The following FGGY variants were observed in gnomAD, a reference collection of about 807,000 sequenced individuals.
FGGY encodes FGGY carbohydrate kinase domain-containing protein.
In FGGY, 72 loss-of-function variants were observed where a neutral mutation model predicts 71.3. The observed-to-expected ratio is 1.01, with a 90% CI of 0.84 to 1.23. The LOEUF (loss-of-function observed/expected upper bound fraction) is 1.23. Ranked by LOEUF, FGGY falls within the 50% of genes most tolerant of loss-of-function variation. The pLI, the probability that FGGY is intolerant of heterozygous loss-of-function variation, is 0.00. For missense variants in FGGY, 668 were observed against 682.3 expected, an observed-to-expected ratio of 0.98 and a Z score of 0.23; for synonymous variants, 251 against 250.3, an observed-to-expected ratio of 1.00 and a Z score of -0.02.
chr1:59,362,785 C>T (rs2055828800), intron 4 of FGGY, among the ~76,000 whole-genome samples: 1 of 152,174 alleles, frequency 6.6e-6, no homozygotes, highest in African/African-American at 2.4e-5. Context: ...ACTATTTATA[C>T]ATTCTTCCTG....
intron 7 of FGGY, among the ~76,000 whole-genome samples, chr1:59,530,649 G>A (rs1210500181): frequency 6.6e-6 from 1 of 152,190 alleles, no homozygotes; most frequent in Non-Finnish European, 1.5e-5. Context: ...TTTATCAGAT[G>A]GACAAGACGG....
chr1:59,585,297 G>A (rs2096265840), intron 8 of FGGY, among the ~76,000 whole-genome samples: 1 of 152,178 alleles, frequency 6.6e-6, no homozygotes, highest in South Asian at 2.1e-4. Flanking sequence ...AACCAAAATA[G>A]CATGGTACTG....
chr1:59,663,144 T>A (rs1382623952), intron 12 of FGGY, among the ~76,000 whole-genome samples: 1 of 152,196 alleles, frequency 6.6e-6, no homozygotes, highest in East Asian at 1.9e-4. Flanking sequence ...GTGCCTTGCC[T>A]ACTGGTAGCT....
chr1:59,553,894 T>G, intron 7 of FGGY: 1 of 391,282 alleles, frequency 2.6e-6, no homozygotes, highest in East Asian at 3.7e-5. Flanking sequence ...ATTATAACGT[T>G]GGGTGCCATA....
At position 59,588,969 on chromosome 1, in the gene FGGY, G is replaced by T. The variant is rs181294623; in HGVS notation, c.904-18834G>T. Among the ~76,000 whole-genome samples, 1,465 of 152,278 alleles carry T rather than the reference G, an allele frequency of 9.6e-3. 25 individuals are homozygous for T. The highest frequency in any genetic ancestry group is 0.034 in the African/African-American group (1,411 of 41,542). The stretch of plus-strand genomic sequence containing the variant: ...AACTTTAAATGTAAATGGACTAAAT[G>T]CTCCAATTAAAAGACACAGTCTGGT... On this transcript the variant is annotated intron_variant, in intron 8 of 15. Transcript: ENST00000303721.
intron 5 of FGGY, among the ~76,000 whole-genome samples, chr1:59,441,398 G>T (rs1261547674): frequency 6.6e-6 from 1 of 152,180 alleles, no homozygotes; most frequent in Non-Finnish European, 1.5e-5. Context: ...ACTTGAGCAG[G>T]CTGAACTGGG....
At chr1:59,384,825 A>T (rs1013245647) in intron 5 of FGGY, among the ~76,000 whole-genome samples, 3 of 152,154 alleles carry the variant, frequency 2.0e-5, no homozygotes, top group Admixed American at 1.3e-4. Flanking sequence ...AAAAATCCAC[A>T]TTGTCTGTTC....
In FGGY at chr1:59,350,016, G is replaced by A. The variant is rs6664085; in HGVS notation, c.465+3618G>A. Among the ~76,000 whole-genome samples, 436 of 151,674 alleles carry A rather than the reference G, an allele frequency of 2.9e-3. 2 individuals are homozygous for A. Among genetic ancestry groups the A allele is most frequent in the African/African-American group, 0.01 (415 of 40,954 alleles). On this transcript the variant is annotated intron_variant, in intron 4 of 15. Coordinates refer to ENST00000303721, the MANE Select transcript of FGGY (RefSeq NM_018291.5). The stretch of plus-strand genomic sequence containing the variant: ...ACCCTGAAAAGCATCCACTTTTGGG[G>A]AATCAGGGAATGGTACCTTTGTTTT...
At chr1:59,630,692 C>T (rs940248195) in intron 10 of FGGY, among the ~76,000 whole-genome samples, 1 of 152,106 alleles carries the variant, frequency 6.6e-6, no homozygotes, top group Non-Finnish European at 1.5e-5. Flanking sequence ...ATTTGAGTAG[C>T]TTCTGTTGCA....
At chr1:59,493,508 A>G (rs2093943057) in intron 6 of FGGY, among the ~76,000 whole-genome samples, 1 of 152,210 alleles carries the variant, frequency 6.6e-6, no homozygotes, top group Non-Finnish European at 1.5e-5. Context: ...TCTTGAAGAT[A>G]CTATGTTAAA....
At chr1:59,497,002 A>G (rs1387425255) in intron 6 of FGGY, among the ~76,000 whole-genome samples, 2 of 152,218 alleles carry the variant, frequency 1.3e-5, no homozygotes, top group African/African-American at 2.4e-5. Context: ...TATGGCAATA[A>G]TGAGGGGGGC....
At chr1:59,377,011 C>A (rs1226257674) in intron 4 of FGGY, among the ~76,000 whole-genome samples, 2 of 152,160 alleles carry the variant, frequency 1.3e-5, no homozygotes, top group Non-Finnish European at 2.9e-5. Flanking sequence ...ATTCTAAGTT[C>A]TTGGGAGAAG....
At chr1:59,539,187 C>T (rs1411138942) in intron 7 of FGGY, among the ~76,000 whole-genome samples, 1 of 152,106 alleles carries the variant, frequency 6.6e-6, no homozygotes. Context: ...ATAAATGTGA[C>T]AGTTTCTTCC....
intron 5 of FGGY, among the ~76,000 whole-genome samples, chr1:59,416,804 A>C (rs1426743089): frequency 6.6e-6 from 1 of 152,122 alleles, no homozygotes. Flanking sequence ...TCTTCCTACT[A>C]TACTTCTGCT....
intron 8 of FGGY, among the ~76,000 whole-genome samples, chr1:59,591,094 C>T (rs1004455942): frequency 1.2e-4 from 18 of 152,176 alleles, no homozygotes; most frequent in African/African-American, 4.3e-4. Flanking sequence ...AGCAAAGTCT[C>T]AGGATACAAA....
intron 7 of FGGY, among the ~76,000 whole-genome samples, chr1:59,535,784 C>T (rs1031277870): frequency 8.7e-5 from 13 of 149,010 alleles, no homozygotes; most frequent in Non-Finnish European, 1.5e-4. Flanking sequence ...TTGAAACCAA[C>T]GAGAACAAAG....
rs71046339 is a variant in FGGY at position 59,721,337 on chromosome 1, G to GTTTTTTTTTTTTTTT, written c.1513-36589_1513-36575dup. On this transcript the variant is annotated intron_variant, in intron 14 of 15. Transcript: ENST00000303721. ...AGAGAGTTTTTCTTTTCTTTCCTTT[G>GTTTTTTTTTTTTTTT]TTTTTTTTTTTTTTTTTTTGAGACG... Among the ~76,000 whole-genome samples, 134 of 105,350 alleles carry GTTTTTTTTTTTTTTT rather than the reference G, an allele frequency of 1.3e-3. 12 individuals are homozygous for GTTTTTTTTTTTTTTT. Among genetic ancestry groups the GTTTTTTTTTTTTTTT allele is most frequent in the East Asian group, 4.8e-3 (15 of 3,120 alleles). The allele number at this position is 105,350 out of a possible 152,430, so 69.1% of individuals were successfully genotyped here.
intron 7 of FGGY, among the ~76,000 whole-genome samples, chr1:59,538,706 G>A (rs2095382380): frequency 1.3e-5 from 2 of 152,046 alleles, no homozygotes; most frequent in South Asian, 4.1e-4. Flanking sequence ...GGACATGGAT[G>A]AAATTGGAAA....
chr1:59,608,012 A>T (rs1160694465), intron 9 of FGGY, 102 bp downstream of exon 9: 9 of 893,492 alleles, frequency 1.0e-5, no homozygotes, highest in Admixed American at 2.3e-5. Context: ...GGATTTGCAG[A>T]CCCCTGAATC....
Sources: allele counts gnomAD v4.1 joint callset (sites outside exome capture counted in the v4.1 genomes callset), GRCh38; gene constraint gnomAD v4.1.1; transcripts MANE v1.5; gene names NCBI Gene and HGNC (gene_info 2026-07-23, HGNC 2026-07-21).